CCDC144A: variants seen among roughly 807,000 people sequenced by gnomAD.
The protein encoded by CCDC144A is coiled-coil domain containing 144A.
A neutral mutation model predicts 143.8 loss-of-function variants in CCDC144A; 41 were observed. That is an observed-to-expected ratio of 0.29 (90% CI 0.22 to 0.37). CCDC144A has a LOEUF of 0.37. CCDC144A is among the 10% of genes least tolerant of loss of function. CCDC144A has a pLI of 1.00. For synonymous variants in CCDC144A, 242 were observed against 517.9 expected (o/e 0.47, Z 7.23); for missense variants, 637 against 1,488.8 (o/e 0.43, Z 9.41).
intron 12 of CCDC144A, among the ~76,000 whole-genome samples, chr17:16,749,411 G>T (rs1597581506): frequency 6.6e-6 from 1 of 152,056 alleles, no homozygotes; most frequent in South Asian, 2.1e-4. Flanking sequence ...AGATCTTCTT[G>T]GTATTCATTT....
At position 16,772,015 on chromosome 17, in the gene CCDC144A, A is replaced by G; in HGVS notation, c.4137A>G (p.Val1379=). 6.5e-7 allele frequency: 1 copy of G among 1,536,818 alleles called. No homozygotes were observed. Among genetic ancestry groups the G allele is most frequent in the Admixed American group, 2.0e-5 (1 of 50,228 alleles). ...QKLQNDLTAE[V]AAATKYEPGS... is the part of the protein sequence containing the mutation. ...TGCAAAATGATCTAACTGCAGAAGTAGCAGGTATGTTACCAAAATTTATGA... is the reference window on the plus strand; with the variant it reads ...TGCAAAATGATCTAACTGCAGAAGTGGCAGGTATGTTACCAAAATTTATGA... Residue 1379 remains valine, a synonymous_variant, in exon 16 of 17, where the codon GTA becomes GTG. Coordinates refer to ENST00000399273, the MANE Select transcript of CCDC144A (RefSeq NM_001382000.1).
At position 16,690,718 on chromosome 17, in the gene CCDC144A, C is replaced by T. The variant is rs201245161; in HGVS notation, c.318C>T (p.Gly106=). The T allele has an allele frequency of 1.0e-4, 169 of 1,611,308 alleles. No homozygotes were observed. Among genetic ancestry groups the T allele is most frequent in the Non-Finnish European group, 1.3e-4 (148 of 1,177,890 alleles). ...VEHILAPGDT[G]VDKRDRKKSI... ...ACATCTTAGCTCCTGGAGACACTGG[C>T]GTGGACAAGAGGGATAGGAAGAAGA... Residue 106 remains glycine (G), a synonymous_variant, in exon 1 of 17, where the codon GGC becomes GGT. Coordinates refer to ENST00000399273, the MANE Select transcript of CCDC144A (RefSeq NM_001382000.1).
intron 12 of CCDC144A, among the ~76,000 whole-genome samples, chr17:16,758,304 T>C (rs1264091428): frequency 6.6e-6 from 1 of 152,200 alleles, no homozygotes; most frequent in Non-Finnish European, 1.5e-5. Flanking sequence ...TAACCTCCCA[T>C]CACACACACA....
chr17:16,670,614 A>T, the CCDC144A span, among the ~76,000 whole-genome samples: 11 of 151,490 alleles, frequency 7.3e-5, no homozygotes, highest in Non-Finnish European at 1.6e-4. Context: ...TTCCAGTGAT[A>T]CTCCCACCTC....
At chr17:16,673,376 A>C in the CCDC144A span, among the ~76,000 whole-genome samples, 1 of 151,614 alleles carries the variant, frequency 6.6e-6, no homozygotes, top group African/African-American at 2.4e-5. Flanking sequence ...ATGTATCAAA[A>C]AGTTATCTTC....
At chr17:16,688,482 C>CTTTTTT (rs1567579106), upstream of CCDC144A, among the ~76,000 whole-genome samples, 18 of 108,588 alleles carry the variant, frequency 1.7e-4, no homozygotes, top group African/African-American at 5.8e-4. Context: ...TTTTCTTTTT[C>CTTTTTT]TGTTTTTTTT....
chr17:16,723,974 A>T (rs1679490319), intron 8 of CCDC144A, among the ~76,000 whole-genome samples: 1 of 151,976 alleles, frequency 6.6e-6, no homozygotes, highest in Non-Finnish European at 1.5e-5. Context: ...TAATATAGAC[A>T]TTAAGTGCTA....
intron 12 of CCDC144A, among the ~76,000 whole-genome samples, chr17:16,756,918 G>A (rs1357019845): frequency 6.6e-6 from 1 of 152,254 alleles, no homozygotes; most frequent in East Asian, 1.9e-4. Context: ...TTCCTCAGTG[G>A]CTTACGGTGT....
intron 8 of CCDC144A, among the ~76,000 whole-genome samples, chr17:16,723,590 G>T (rs1913218308): frequency 6.6e-6 from 1 of 152,142 alleles, no homozygotes; most frequent in Admixed American, 6.5e-5. Flanking sequence ...TCTAGGTGCT[G>T]GCAGATTTGG....
intron 11 of CCDC144A, 27 bp from the exon 12 acceptor site, chr17:16,734,663 C>T: frequency 6.8e-7 from 1 of 1,476,016 alleles, no homozygotes. Context: ...TTATTGAGTG[C>T]TACTGAATGT....
At chr17:16,689,640 G>T (rs1910924442), upstream of CCDC144A, 1 of 152,768 alleles carries the variant, frequency 6.5e-6, no homozygotes, top group African/African-American at 2.4e-5. Flanking sequence ...AGCGGCTGCG[G>T]CACACGGCGG....
At chr17:16,744,689 T>C (rs1914412049) in intron 12 of CCDC144A, among the ~76,000 whole-genome samples, 1 of 152,082 alleles carries the variant, frequency 6.6e-6, no homozygotes, top group Non-Finnish European at 1.5e-5. Context: ...CCTTTTCCTA[T>C]GCAGAAGCTC....
At chr17:16,672,076 C>T in the CCDC144A span, among the ~76,000 whole-genome samples, 2 of 152,042 alleles carry the variant, frequency 1.3e-5, no homozygotes, top group African/African-American at 4.8e-5. Flanking sequence ...CCAACCATGC[C>T]ACTTCCCAGC....
chr17:16,760,205 G>A (rs1426304724), intron 12 of CCDC144A, among the ~76,000 whole-genome samples: 6 of 151,586 alleles, frequency 4.0e-5, no homozygotes, highest in African/African-American at 9.8e-5. Context: ...ATTGTGTTCC[G>A]GAGAAACCGG....
intron 12 of CCDC144A, among the ~76,000 whole-genome samples, chr17:16,749,987 G>C (rs1486925689): frequency 6.6e-6 from 1 of 152,160 alleles, no homozygotes; most frequent in Non-Finnish European, 1.5e-5. Flanking sequence ...TTACATGTGA[G>C]ATGTGTCTTT....
chr17:16,771,930 A>C (rs985937131), intron 15 of CCDC144A, 47 bp from the exon 16 acceptor site: 1 of 1,452,194 alleles, frequency 6.9e-7, no homozygotes, highest in African/African-American at 1.4e-5. Flanking sequence ...CCTTACCATG[A>C]TAATGTATCT....
In CCDC144A at chr17:16,744,290, C is replaced by T. The variant is rs377208696; in HGVS notation, c.3372+8647C>T. 3.0e-3 allele frequency among the ~76,000 whole-genome samples: 464 copies of T among 152,280 alleles called. 3 individuals carry two copies. The highest frequency in any genetic ancestry group is 0.01 in the African/African-American group (433 of 41,554). On this transcript the variant is annotated intron_variant, in intron 12 of 16. Transcript: ENST00000399273. ...CAAACTGCTTTCCACAGTGGCTGAACGAATTTACCATTTTCTCCAATAGTG... is the reference window on the plus strand; with the variant it reads ...CAAACTGCTTTCCACAGTGGCTGAATGAATTTACCATTTTCTCCAATAGTG...
intron 6 of CCDC144A, among the ~76,000 whole-genome samples, chr17:16,715,203 A>G (rs1487564984): frequency 6.6e-6 from 1 of 151,064 alleles, no homozygotes; most frequent in Non-Finnish European, 1.5e-5. Flanking sequence ...GTGTGCCTAG[A>G]AAAGGGCCTA....
At position 16,708,848 on chromosome 17, in the gene CCDC144A, C is replaced by G. The variant is rs376203443; in HGVS notation, c.791C>G (p.Pro264Arg). 75 of 1,611,760 alleles carry G rather than the reference C, an allele frequency of 4.7e-5. No homozygotes were observed. The African/African-American group carries it at 9.5e-4, about 20-fold the overall frequency. ...AAGGATTGCGATAGAGAGGATATAC[C>G]TATATATCCAGTACTTCCTCATGTG... ...MAKDCDREDI[P>R]IYPVLPHVQK... Residue 264 changes from proline to arginine, a missense_variant, in exon 5 of 17, where the codon CCT (proline) becomes CGT (arginine). By Grantham distance (103) the Pro-to-Arg change is moderately radical. Transcript: ENST00000399273.
Sources: allele counts gnomAD v4.1 joint callset (sites outside exome capture counted in the v4.1 genomes callset), GRCh38; gene constraint gnomAD v4.1.1; transcripts MANE v1.5; gene names NCBI Gene and HGNC (gene_info 2026-07-23, HGNC 2026-07-21).